CDC42BPG: variants seen among roughly 807,000 people sequenced by gnomAD.
CDC42BPG encodes the protein CDC42 binding protein kinase gamma, also known as serine/threonine-protein kinase MRCK gamma.
In CDC42BPG, 157 loss-of-function variants were observed where a neutral mutation model predicts 192.2. The observed-to-expected ratio is 0.82, with a 90% confidence interval of 0.72 to 0.93. The LOEUF (loss-of-function observed/expected upper bound fraction) is 0.93. Among genes scored for constraint, CDC42BPG ranks in the 40% least tolerant of loss-of-function variants. CDC42BPG has a pLI of 0.00. For missense variants in CDC42BPG, 1,992 were observed against 2,122.1 expected, an observed-to-expected ratio of 0.94 and a Z score of 1.20; for synonymous variants, 981 against 918.5, an observed-to-expected ratio of 1.07 and a Z score of -1.23.
intron 8 of CDC42BPG, 118 bp from the exon 9 acceptor site, chr11:64,838,280 G>C (rs997767323): frequency 1.5e-5 from 11 of 737,424 alleles, no homozygotes; most frequent in Non-Finnish European, 2.2e-5. Flanking sequence ...ACTCAGGGGG[G>C]TAACACAGCC....
chr11:64,825,520 T>C (rs1942381894), intron 36 of CDC42BPG, among the ~76,000 whole-genome samples: 1 of 151,956 alleles, frequency 6.6e-6, no homozygotes, highest in African/African-American at 2.4e-5. Context: ...AAGGTGAAGA[T>C]AGAGAAAAGG....
rs761088778 is a variant in CDC42BPG at position 64,834,533 on chromosome 11, C to A, written c.2220G>T (p.Ser740=). 1 of 1,586,450 alleles carries A rather than the reference C, an allele frequency of 6.3e-7. No homozygotes were observed. Among genetic ancestry groups the A allele is most frequent in the Non-Finnish European group, 8.6e-7 (1 of 1,163,870 alleles). The change falls in exon 19 of 37, where the codon TCG becomes TCT. Residue 740 remains serine, a synonymous_variant. Transcript: ENST00000342711. ...GCGCTGACTGCAGCTCCAGCCTGGCCGAGGCCTCCATCTTCTGCAGTCGCC... is the reference window on the plus strand; with the variant it reads ...GCGCTGACTGCAGCTCCAGCCTGGCAGAGGCCTCCATCTTCTGCAGTCGCC... ...KARRLQKMEA[S]ARLELQSALE... is the part of the protein sequence containing the mutation.
intron 30 of CDC42BPG, among the ~76,000 whole-genome samples, chr11:64,828,468 G>T (rs483288): frequency 1 from 151,878 of 152,236 alleles, 75,761 homozygotes; most frequent in Middle Eastern, 1. Context: ...GACGGAGAGA[G>T]AGTGGGGCAA....
chr11:64,834,355 C>G lies in CDC42BPG; in HGVS notation c.2325-1G>C. 1 of 1,568,512 alleles carries G rather than the reference C, an allele frequency of 6.4e-7. No individual in the cohort carries two copies. Among genetic ancestry groups the G allele is most frequent in the South Asian group, 1.2e-5 (1 of 85,962 alleles). ...CTGCTTCTCGGCCTCCTGCAGACGG[C>G]TGGGGAGAATGGCAAGGGCTCGCCA... is the stretch of plus-strand genomic sequence containing the variant. On this transcript the variant is annotated splice_acceptor_variant, in intron 19 of 36. Transcript: ENST00000342711. LOFTEE classifies it high-confidence loss of function.
intron 11 of CDC42BPG, 26 bp downstream of exon 11, chr11:64,836,713 G>GGGGGA: frequency 1.2e-6 from 1 of 856,510 alleles, no homozygotes; most frequent in South Asian, 1.7e-5. Flanking sequence ...CCCTGGGGGG[G>GGGGGA]GGGGGGGGGT....
chr11:64,838,630 C>G, intron 8 of CDC42BPG, 24 bp downstream of exon 8: 1 of 1,609,122 alleles, frequency 6.2e-7, no homozygotes, highest in South Asian at 1.1e-5. Flanking sequence ...CAGCTCCCCT[C>G]CTGCAGTGGC....
rs749897850 is a variant in CDC42BPG at position 64,834,865 on chromosome 11, A to G, written c.2159T>C (p.Leu720Pro). 2 of 1,613,402 alleles carry G rather than the reference A, an allele frequency of 1.2e-6. No individual in the cohort carries two copies. Among genetic ancestry groups the G allele is most frequent in the South Asian group, 2.2e-5 (2 of 91,032 alleles). The change falls in exon 18 of 37, where the codon CTC (leucine) becomes CCC (proline). Residue 720 changes from leucine to proline, a missense_variant. Coordinates refer to ENST00000342711, the MANE Select transcript of CDC42BPG (RefSeq NM_017525.3). ...GGGGCTCACCAGTGGCCGGGCAGGG[A>G]GCGTCTGGGTGCCTACGTTCCTCAA... ...ESLRNVGTQTLPARPLDHQWK... is the reference protein window; with the variant it reads ...ESLRNVGTQTPPARPLDHQWK...
At position 64,835,631 on chromosome 11, in the gene CDC42BPG, A is replaced by G; in HGVS notation, c.1759-10T>C. ...AGGCTGTGTGGATGGTCTTGGGGACATGGAGGGGGTCAGGGCAGAGACCCA... is the reference window on the plus strand; with the variant it reads ...AGGCTGTGTGGATGGTCTTGGGGACGTGGAGGGGGTCAGGGCAGAGACCCA... On this transcript the variant is annotated splice_polypyrimidine_tract_variant and intron_variant, in intron 14 of 36. Coordinates refer to ENST00000342711, the MANE Select transcript of CDC42BPG (RefSeq NM_017525.3). 1.3e-6 allele frequency: 2 copies of G among 1,569,346 alleles called. No homozygotes were observed. The highest frequency in any genetic ancestry group is 1.7e-6 in the Non-Finnish European group (2 of 1,157,628).
At position 64,824,354 on chromosome 11, in the gene CDC42BPG, G is replaced by T; in HGVS notation, c.*119C>A. ...AAGTCTCCCAGTCATTGCCCAGCCC[G>T]GGTCCTCCCTGAGTCCGAATTTCCA... On this transcript the variant is annotated 3_prime_UTR_variant, in exon 37 of 37. Coordinates refer to ENST00000342711, the MANE Select transcript of CDC42BPG (RefSeq NM_017525.3). 1.2e-6 allele frequency: 1 copy of T among 813,202 alleles called. No individual in the cohort carries two copies. The highest frequency in any genetic ancestry group is 1.3e-5 in the South Asian group (1 of 74,216). 50.4% of individuals were successfully genotyped at this position (813,202 alleles called of 1,614,324 possible).
At chr11:64,831,335 C>G (rs1942676916) in intron 28 of CDC42BPG, among the ~76,000 whole-genome samples, 170 bp downstream of exon 28, 1 of 152,168 alleles carries the variant, frequency 6.6e-6, no homozygotes, top group African/African-American at 2.4e-5. Flanking sequence ...GGCCCCCTAC[C>G]TGGGGGCCCA....
Position 64,827,145 on chromosome 11 carries a change from C to G in CDC42BPG, c.4294G>C (p.Val1432Leu), listed in dbSNP as rs545425596. Residue 1432 changes from valine (V) to leucine (L), a missense_variant, in exon 34 of 37, where the codon GTG becomes CTG. Val to Leu is a conservative substitution (Grantham distance 32, BLOSUM62 1). Coordinates refer to ENST00000342711, the MANE Select transcript of CDC42BPG (RefSeq NM_017525.3). ...QRREMLKDPF[V>L]RSKLISPPTN... ...GGCGGCGAGATGAGCTTGGAGCGCA[C>G]AAAAGGGTCCTTCAGCATCTCCCTG... 21 of 1,614,136 alleles carry G rather than the reference C, an allele frequency of 1.3e-5. No homozygotes were observed. In the East Asian group the frequency reaches 4.7e-4, roughly 36 times the overall value.
chr11:64,828,848 G>C (rs1942554328), intron 30 of CDC42BPG, among the ~76,000 whole-genome samples: 8 of 152,174 alleles, frequency 5.3e-5, no homozygotes, highest in Admixed American at 5.2e-4. Context: ...TCAGGAGTTT[G>C]AGACCAGCCT....
intron 33 of CDC42BPG, 41 bp downstream of exon 33, chr11:64,827,237 C>T (rs757639910): frequency 4.3e-6 from 7 of 1,612,986 alleles, no homozygotes; most frequent in Admixed American, 1.7e-5. Flanking sequence ...CAAGCGGAGG[C>T]GGCCCCACCC....
At chr11:64,829,368 C>A in intron 30 of CDC42BPG, 103 bp downstream of exon 30, 1 of 1,457,556 alleles carries the variant, frequency 6.9e-7, no homozygotes, top group Non-Finnish European at 9.2e-7. Flanking sequence ...CAAACTGGCA[C>A]CAAAGGCCTC....
At position 64,832,748 on chromosome 11, in the gene CDC42BPG, C is replaced by T. The variant is rs775688591; in HGVS notation, c.2866-5G>A. 37 of 1,602,180 alleles carry T rather than the reference C, an allele frequency of 2.3e-5. No homozygotes were observed. Among genetic ancestry groups the T allele is most frequent in the Middle Eastern group, 1.6e-4 (1 of 6,062 alleles). ...GACACCTGAGGGCCGCGGCACCTGG[C>T]GGAAAGGCAAGCATGGGAGGGCTGC... is the stretch of plus-strand genomic sequence containing the variant. On this transcript the variant is annotated splice_region_variant and splice_polypyrimidine_tract_variant and intron_variant, in intron 25 of 36. Transcript: ENST00000342711.
intron 30 of CDC42BPG, among the ~76,000 whole-genome samples, chr11:64,828,228 C>T (rs1004139307): frequency 9.9e-5 from 15 of 152,168 alleles, no homozygotes; most frequent in African/African-American, 3.6e-4. Flanking sequence ...CTCTTCCAGC[C>T]CTTACCCATC....
At position 64,833,107 on chromosome 11, in the gene CDC42BPG, A is replaced by C. The variant is rs556555912; in HGVS notation, c.2731+124T>G. ...TCCTCATCAAGTGAGAAAAGGAACA[A>C]AGCTGAGCAGGAGGAAATTTGACCA... On this transcript the variant is annotated intron_variant, in intron 24 of 36. Transcript: ENST00000342711. The C allele has an allele frequency of 5.4e-6, 7 of 1,293,310 alleles. No homozygotes were observed. In the East Asian group the frequency reaches 1.5e-4, roughly 28 times the overall value. 80.1% of individuals were successfully genotyped at this position (1,293,310 alleles called of 1,614,324 possible).
chr11:64,824,436 T>C lies in CDC42BPG; in HGVS notation c.*37A>G. ...CAAGCTCTTTGCTCCCTCATGTCCT[T>C]CTGCCCTGGGATTGGGGTGGGCCCT... On this transcript the variant is annotated 3_prime_UTR_variant, in exon 37 of 37. Transcript: ENST00000342711. 1 of 1,376,580 alleles carries C rather than the reference T, an allele frequency of 7.3e-7. No individual in the cohort carries two copies. Among genetic ancestry groups the C allele is most frequent in the Non-Finnish European group, 1.0e-6 (1 of 961,780 alleles). 85.3% of individuals were successfully genotyped at this position (1,376,580 alleles called of 1,614,324 possible). A position where few individuals can be genotyped will look rare whatever the true frequency, so the allele number is the denominator to read the frequency against.
intron 1 of CDC42BPG, among the ~76,000 whole-genome samples, chr11:64,843,296 G>GGAGCACACATGTGTGTGC (rs1943361973): frequency 6.6e-6 from 1 of 152,100 alleles, no homozygotes; most frequent in Non-Finnish European, 1.5e-5. Context: ...CAGTCAGGGA[G>GGAGCACACATGTGTGTGC]GAGCACACAT....
Sources: gnomAD v4.1 joint callset for allele counts (sites outside exome capture counted in the v4.1 genomes callset) on GRCh38, gnomAD v4.1.1 for gene constraint, MANE v1.5 for transcripts, NCBI Gene and HGNC (gene_info 2026-07-23, HGNC 2026-07-21) for gene names.